Variants in ASIC2 observed in about 807,000 individuals in gnomAD.
The protein encoded by ASIC2 is acid-sensing ion channel 2.
ASIC2 carries 25 observed loss-of-function variants against 57.3 expected under a neutral mutation model. The ratio of observed to expected loss-of-function variants is 0.44; its 90% confidence interval spans 0.32 to 0.61. The LOEUF (loss-of-function observed/expected upper bound fraction) is 0.61. Ranked by LOEUF, ASIC2 falls within the 20% of genes least tolerant of loss-of-function variation. ASIC2 has a pLI of 0.06. For missense variants in ASIC2, 641 were observed against 738.1 expected (o/e 0.87, Z 1.52); for synonymous variants, 319 against 307.5 (o/e 1.04, Z -0.39).
intron 1 of ASIC2, among the ~76,000 whole-genome samples, chr17:33,147,391 C>T (rs772926591): frequency 5.9e-5 from 9 of 152,190 alleles, no homozygotes; most frequent in Non-Finnish European, 1.2e-4. Flanking sequence ...TGATAAAAGA[C>T]ATCATACAAG....
At chr17:33,941,919 G>A (rs897883740) in intron 1 of ASIC2, among the ~76,000 whole-genome samples, 13 of 152,118 alleles carry the variant, frequency 8.5e-5, no homozygotes, top group South Asian at 2.1e-4. Flanking sequence ...CTACCACCCC[G>A]GGGCAACTCA....
intron 1 of ASIC2, among the ~76,000 whole-genome samples, chr17:34,033,722 A>G (rs942762476): frequency 1.3e-5 from 2 of 152,224 alleles, no homozygotes; most frequent in Non-Finnish European, 2.9e-5. Context: ...ACCATCAGAG[A>G]ATACTACAAA....
At chr17:33,480,512 G>A (rs1372210536) in intron 1 of ASIC2, among the ~76,000 whole-genome samples, 2 of 152,134 alleles carry the variant, frequency 1.3e-5, no homozygotes, top group East Asian at 1.9e-4. Context: ...ATGAGGTGGT[G>A]GAGCAGAGAA....
chr17:34,107,927 C>T (rs548982619), intron 1 of ASIC2, among the ~76,000 whole-genome samples: 26 of 152,274 alleles, frequency 1.7e-4, no homozygotes, highest in Non-Finnish European at 3.7e-4. Context: ...CACTCTTTCT[C>T]ATACTTTTCC....
intron 1 of ASIC2, among the ~76,000 whole-genome samples, chr17:33,818,632 G>A (rs943610709): frequency 6.6e-6 from 1 of 152,162 alleles, no homozygotes; most frequent in South Asian, 2.1e-4. Flanking sequence ...TAATGGGTAG[G>A]GATGCTGCTG....
intron 1 of ASIC2, among the ~76,000 whole-genome samples, chr17:34,092,362 CA>C (rs1381313358): frequency 6.6e-6 from 1 of 152,198 alleles, no homozygotes; most frequent in South Asian, 2.1e-4. Flanking sequence ...CCTTTAACCA[CA>C]AGGCCACTTT....
chr17:33,406,032 A>G (rs35494118), intron 1 of ASIC2, among the ~76,000 whole-genome samples: 36,399 of 151,876 alleles, frequency 0.24, 4,894 homozygotes, highest in East Asian at 0.66. Context: ...TCCATGAAAA[A>G]AAACCTGGGC....
intron 1 of ASIC2, among the ~76,000 whole-genome samples, chr17:34,045,871 C>T (rs767525156): frequency 1.3e-5 from 2 of 152,134 alleles, no homozygotes; most frequent in Admixed American, 6.5e-5. Flanking sequence ...AGTCTCTTTC[C>T]CTCAAAACTA....
intron 1 of ASIC2, among the ~76,000 whole-genome samples, chr17:34,138,073 C>T (rs926654192): frequency 7.9e-5 from 12 of 152,102 alleles, no homozygotes; most frequent in East Asian, 3.9e-4. Context: ...CAGAAGAATA[C>T]GAAACTAACT....
chr17:33,116,018 T>C (rs1245602245), intron 1 of ASIC2, among the ~76,000 whole-genome samples: 1 of 152,170 alleles, frequency 6.6e-6, no homozygotes, highest in Non-Finnish European at 1.5e-5. Context: ...GCCTTCTCAC[T>C]TCCCACCTAA....
At chr17:33,831,586 A>G (rs1292769185) in intron 1 of ASIC2, among the ~76,000 whole-genome samples, 3 of 147,600 alleles carry the variant, frequency 2.0e-5, no homozygotes, top group African/African-American at 7.3e-5. Flanking sequence ...TCTGAAGTAA[A>G]AAAAAAAAAA....
intron 1 of ASIC2, among the ~76,000 whole-genome samples, chr17:33,740,494 C>G (rs1480216221): frequency 1.3e-5 from 2 of 152,154 alleles, no homozygotes; most frequent in Non-Finnish European, 2.9e-5. Context: ...ATCATGAGAA[C>G]AGCAGCATGG....
At chr17:33,665,444 G>C (rs1329396324) in intron 1 of ASIC2, among the ~76,000 whole-genome samples, 1 of 152,024 alleles carries the variant, frequency 6.6e-6, no homozygotes, top group Non-Finnish European at 1.5e-5. Flanking sequence ...CCATGTCGAG[G>C]GTTGGCATTT....
At chr17:34,055,411 A>G (rs912639674) in intron 1 of ASIC2, among the ~76,000 whole-genome samples, 1 of 152,120 alleles carries the variant, frequency 6.6e-6, no homozygotes, top group Non-Finnish European at 1.5e-5. Flanking sequence ...TCTTTTTTAC[A>G]GTTTTATTTT....
chr17:33,449,014 A>C (rs772616471), intron 1 of ASIC2, among the ~76,000 whole-genome samples: 1 of 152,222 alleles, frequency 6.6e-6, no homozygotes, highest in Non-Finnish European at 1.5e-5. Context: ...CACTCCTGTA[A>C]AATGAAATAA....
chr17:33,532,753 G>A (rs1024536315), intron 1 of ASIC2, among the ~76,000 whole-genome samples: 1 of 152,080 alleles, frequency 6.6e-6, no homozygotes, highest in African/African-American at 2.4e-5. Flanking sequence ...CGCCAGTCTT[G>A]CCTCTCACCC....
At chr17:34,094,477 G>C (rs1910447894) in intron 1 of ASIC2, among the ~76,000 whole-genome samples, 1 of 152,182 alleles carries the variant, frequency 6.6e-6, no homozygotes, top group South Asian at 2.1e-4. Context: ...TTGTGATCCA[G>C]TGTGGTTCTT....
At chr17:33,742,410 C>T (rs1319341970) in intron 1 of ASIC2, among the ~76,000 whole-genome samples, 2 of 152,170 alleles carry the variant, frequency 1.3e-5, no homozygotes, top group Non-Finnish European at 2.9e-5. Context: ...TTGATCCCCA[C>T]TCCCCAACTG....
intron 1 of ASIC2, among the ~76,000 whole-genome samples, chr17:33,803,430 A>C (rs1912185618): frequency 1.3e-5 from 2 of 152,124 alleles, no homozygotes; most frequent in African/African-American, 2.4e-5. Context: ...GTGCACTTTC[A>C]GTATAATAAA....
Sources: gnomAD v4.1 joint callset for allele counts (sites outside exome capture counted in the v4.1 genomes callset) on GRCh38, gnomAD v4.1.1 for gene constraint, MANE v1.5 for transcripts, NCBI Gene and HGNC (gene_info 2026-07-23, HGNC 2026-07-21) for gene names.